TMED10: variants seen among roughly 807,000 people sequenced by gnomAD.
TMED10 encodes the protein transmembrane p24 trafficking protein 10.
A neutral mutation model predicts 23.1 loss-of-function variants in TMED10; 7 were observed. The observed-to-expected ratio is 0.30, with a 90% CI of 0.17 to 0.57. TMED10 has a LOEUF of 0.57. Ranked by LOEUF, TMED10 falls within the 20% of genes least tolerant of loss-of-function variation. The pLI is 0.91. For missense variants in TMED10, 162 were observed against 274.8 expected, an observed-to-expected ratio of 0.59 and a Z score of 2.90; for synonymous variants, 113 against 106.9, an observed-to-expected ratio of 1.06 and a Z score of -0.35.
intron 1 of TMED10, 108 bp downstream of exon 1, chr14:75,176,247 G>T: frequency 7.2e-7 from 1 of 1,387,702 alleles, no homozygotes; most frequent in Non-Finnish European, 9.9e-7. Flanking sequence ...CTCCCGGGAG[G>T]CCAGAACAAC....
intron 1 of TMED10, among the ~76,000 whole-genome samples, chr14:75,162,027 C>T (rs1041288842): frequency 1.3e-5 from 2 of 149,028 alleles, no homozygotes; most frequent in South Asian, 4.3e-4. Context: ...AGGTCCGGGG[C>T]GGGGTGGGGG....
At chr14:75,140,861 C>G (rs77099201) in intron 3 of TMED10, among the ~76,000 whole-genome samples, 2,018 of 151,854 alleles carry the variant, frequency 0.013, 28 homozygotes, top group South Asian at 0.034. Flanking sequence ...GGCTGGGCAA[C>G]ACAGCAAGAC....
chr14:75,176,160 G>A (rs867677750), intron 1 of TMED10, 195 bp downstream of exon 1: 4 of 648,390 alleles, frequency 6.2e-6, no homozygotes, highest in Non-Finnish European at 1.0e-5. Context: ...GGGGTTCCCA[G>A]GCGTTGGTGA....
intron 3 of TMED10, among the ~76,000 whole-genome samples, chr14:75,140,728 A>G (rs1157360276): frequency 3.9e-5 from 6 of 152,032 alleles, no homozygotes; most frequent in African/African-American, 1.4e-4. Context: ...ATGAAGAAGT[A>G]GTAGTAGTAG....
At position 75,134,624 on chromosome 14, in the gene TMED10, ATTTTT is replaced by A. The variant is rs994823485; in HGVS notation, c.*256_*260del. Reference sequence around the variant, plus strand: ...CTTTGGCATTATCTAGGTAACCCCTATTTTTTGTCATAGGTGACTCTAATAATAGA... The same window carrying A: ...CTTTGGCATTATCTAGGTAACCCCTATGTCATAGGTGACTCTAATAATAGA... On this transcript the variant is annotated 3_prime_UTR_variant, in exon 5 of 5. Coordinates refer to ENST00000303575, the MANE Select transcript of TMED10 (RefSeq NM_006827.6). The A allele has an allele frequency of 2.7e-6, 1 of 366,018 alleles. No individual in the cohort carries two copies. Among genetic ancestry groups the A allele is most frequent in the African/African-American group, 2.0e-5 (1 of 48,896 alleles). The allele number at this position is 366,018 out of a possible 1,614,324, so 22.7% of individuals were successfully genotyped here. A position where few individuals can be genotyped will look rare whatever the true frequency, so the allele number is the denominator to read the frequency against.
intron 1 of TMED10, among the ~76,000 whole-genome samples, chr14:75,161,451 A>C (rs1896084062): frequency 6.6e-6 from 1 of 152,204 alleles, no homozygotes; most frequent in Admixed American, 6.5e-5. Context: ...TAAAAGACTA[A>C]AGAGACATCA....
In TMED10 at chr14:75,152,078, A is replaced by G; in HGVS notation, c.291T>C (p.Phe97=). ...KEDATKGKFA[F]TTEDYDMFEV... ...CAAACATGTCATAATCTTCAGTGGT[A>G]AAGGCAAATTTCCCCTTGGTTGCAT... Residue 97 remains phenylalanine, a synonymous_variant, in exon 2 of 5, where the codon TTT becomes TTC. Coordinates refer to ENST00000303575, the MANE Select transcript of TMED10 (RefSeq NM_006827.6). 6.2e-7 allele frequency: 1 copy of G among 1,614,028 alleles called. No individual in the cohort carries two copies. The highest frequency in any genetic ancestry group is 1.3e-5 in the African/African-American group (1 of 75,052).
At chr14:75,140,616 G>A (rs1470463951) in intron 3 of TMED10, among the ~76,000 whole-genome samples, 1 of 152,170 alleles carries the variant, frequency 6.6e-6, no homozygotes, top group Non-Finnish European at 1.5e-5. Context: ...GCTGAGGCAC[G>A]AGAATCCTTT....
Position 75,133,877 on chromosome 14 carries a change from T to G in TMED10, c.*1008A>C, listed in dbSNP as rs763994174. The G allele has an allele frequency of 1.2e-5, 4 of 330,736 alleles. No individual in the cohort carries two copies. The highest frequency in any genetic ancestry group is 1.7e-5 in the Non-Finnish European group (3 of 174,706). 20.5% of individuals were successfully genotyped at this position (330,736 alleles called of 1,614,324 possible). A position where few individuals can be genotyped will look rare whatever the true frequency, so the allele number is the denominator to read the frequency against. ...ATATATGCATGTAAGAAATCTGTACTTATACCCCCTAAATATATAAAACAT... is the reference window on the plus strand; with the variant it reads ...ATATATGCATGTAAGAAATCTGTACGTATACCCCCTAAATATATAAAACAT... On this transcript the variant is annotated 3_prime_UTR_variant, in exon 5 of 5. Coordinates refer to ENST00000303575, the MANE Select transcript of TMED10 (RefSeq NM_006827.6).
rs1895705217 is a variant in TMED10, at chr14:75,132,929, C to T, written c.*1956G>A. 2 of 152,390 alleles carry T rather than the reference C, an allele frequency of 1.3e-5. No homozygotes were observed. The highest frequency in any genetic ancestry group is 2.4e-5 in the African/African-American group (1 of 41,462). The allele number at this position is 152,390 out of a possible 1,614,324, so 9.4% of individuals were successfully genotyped here. On this transcript the variant is annotated 3_prime_UTR_variant, in exon 5 of 5. Coordinates refer to ENST00000303575, the MANE Select transcript of TMED10 (RefSeq NM_006827.6). The stretch of plus-strand genomic sequence containing the variant: ...GGGAGATGTGGGAAAGATTTCAAGT[C>T]ACAGCATTTTTCATAACTGTTTATA...
At chr14:75,154,942 T>G (rs1454117135) in intron 1 of TMED10, among the ~76,000 whole-genome samples, 4 of 149,692 alleles carry the variant, frequency 2.7e-5, no homozygotes, top group Admixed American at 6.7e-5. Context: ...GGATTACAAG[T>G]GTAAGCCATC....
rs1895728719 is a variant in TMED10 at position 75,134,873 on chromosome 14, A to G, written c.*12T>C. 1.2e-6 allele frequency: 2 copies of G among 1,613,576 alleles called. No individual in the cohort carries two copies. The highest frequency in any genetic ancestry group is 1.7e-5 in the Admixed American group (1 of 59,980). On this transcript the variant is annotated 3_prime_UTR_variant, in exon 5 of 5. Transcript: ENST00000303575. ...CTGAGGTACAAGGTGGGAGGAGAAT[A>G]TGCCTCATTCATTACTCAATCAATT...
At chr14:75,174,575 TAGAG>T (rs1896275820) in intron 1 of TMED10, among the ~76,000 whole-genome samples, 1 of 151,980 alleles carries the variant, frequency 6.6e-6, no homozygotes, top group Non-Finnish European at 1.5e-5. Context: ...TTTTCCTGGG[TAGAG>T]AGTTTGATAC....
At chr14:75,175,630 T>C (rs759342163) in intron 1 of TMED10, among the ~76,000 whole-genome samples, 3 of 151,682 alleles carry the variant, frequency 2.0e-5, no homozygotes, top group Non-Finnish European at 2.9e-5. Flanking sequence ...TTAGGAGACA[T>C]ACCTAATGTA....
chr14:75,164,532 A>AAT (rs368412262), intron 1 of TMED10, among the ~76,000 whole-genome samples: 27 of 54,422 alleles, frequency 5.0e-4, no homozygotes, highest in South Asian at 1.4e-3. Flanking sequence ...CACCTGGCCT[A>AAT]ATATATATAT....
chr14:75,155,637 A>C (rs1229614056), intron 1 of TMED10, among the ~76,000 whole-genome samples: 1 of 152,216 alleles, frequency 6.6e-6, no homozygotes, highest in Non-Finnish European at 1.5e-5. Context: ...TGTGCAAGGC[A>C]TGCTACCAGA....
chr14:75,163,509 C>T (rs1344918108), intron 1 of TMED10, among the ~76,000 whole-genome samples: 6 of 139,132 alleles, frequency 4.3e-5, no homozygotes, highest in Non-Finnish European at 9.1e-5. Context: ...GCCGAGATCT[C>T]GCCACTGCAC....
rs1432228871 is a variant in TMED10, at chr14:75,134,104, A to G, written c.*781T>C. On this transcript the variant is annotated 3_prime_UTR_variant, in exon 5 of 5. Coordinates refer to ENST00000303575, the MANE Select transcript of TMED10 (RefSeq NM_006827.6). The stretch of plus-strand genomic sequence containing the variant: ...CCACAGGTTGGGGTGAGGGTATAAG[A>G]AAGGGATGTGGCTGCGGCTGTAAAA... 2 of 173,166 alleles carry G rather than the reference A, an allele frequency of 1.2e-5. No homozygotes were observed. Among genetic ancestry groups the G allele is most frequent in the African/African-American group, 4.8e-5 (2 of 41,558 alleles). 10.7% of individuals were successfully genotyped at this position (173,166 alleles called of 1,614,324 possible).
At chr14:75,170,003 G>A (rs1475607855) in intron 1 of TMED10, among the ~76,000 whole-genome samples, 9 of 152,018 alleles carry the variant, frequency 5.9e-5, no homozygotes, top group African/African-American at 1.2e-4. Context: ...AGAGGCGGGC[G>A]GATCATGAGG....
Sources: allele counts gnomAD v4.1 joint callset (sites outside exome capture counted in the v4.1 genomes callset), GRCh38; gene constraint gnomAD v4.1.1; transcripts MANE v1.5; gene names NCBI Gene and HGNC (gene_info 2026-07-23, HGNC 2026-07-21).